RNF152: variants seen among roughly 807,000 people sequenced by gnomAD.
RNF152 encodes E3 ubiquitin-protein ligase RNF152.
In RNF152, 11 loss-of-function variants were observed where a neutral mutation model predicts 12.7. The observed-to-expected ratio is 0.86, with a 90% CI of 0.54 to 1.43. RNF152 has a LOEUF of 1.43. RNF152 is among the 40% of genes most tolerant of loss of function. RNF152 has a pLI of 0.00. For synonymous variants in RNF152, 113 were observed against 120.3 expected (o/e 0.94, Z 0.40); for missense variants, 255 against 274.8 (o/e 0.93, Z 0.51).
Position 61,816,276 on chromosome 18 carries a change from C to T in RNF152, c.188G>A (p.Gly63Asp), listed in dbSNP as rs899444439. 1 of 1,614,210 alleles carries T rather than the reference C, an allele frequency of 6.2e-7. No homozygotes were observed. The highest frequency in any genetic ancestry group is 8.5e-7 in the Non-Finnish European group (1 of 1,180,040). ...GTCCGGGAGCTGCGACACGGAGAAG[C>T]CGGGAGGCAGCTTGGTGACACCGCG... ...WCRGVTKLPPGFSVSQLPDDP... is the reference protein window; with the variant it reads ...WCRGVTKLPPDFSVSQLPDDP... Residue 63 changes from glycine (G) to aspartate (D), a missense_variant, in exon 2 of 2, where the codon GGC (glycine) becomes GAC (aspartate). Gly to Asp is a moderately conservative substitution (Grantham distance 94). Coordinates refer to ENST00000312828, the MANE Select transcript of RNF152 (RefSeq NM_173557.3).
In RNF152 at chr18:61,808,314, A is replaced by C. The variant is rs966170642; in HGVS notation, c.*7538T>G. 1 of 148,242 alleles carries C rather than the reference A, an allele frequency of 6.7e-6. No individual in the cohort carries two copies. The highest frequency in any genetic ancestry group is 1.5e-5 in the Non-Finnish European group (1 of 67,356). 9.2% of individuals were successfully genotyped at this position (148,242 alleles called of 1,614,324 possible). On this transcript the variant is annotated 3_prime_UTR_variant, in exon 2 of 2. Transcript: ENST00000312828. ...GCTTGATATCCCCTTTACGAAGTCA[A>C]TATTTGGCAACATTTGGACAATATT... is the stretch of plus-strand genomic sequence containing the variant.
intron 1 of RNF152, among the ~76,000 whole-genome samples, chr18:61,825,861 AT>A (rs910125700): frequency 4.4e-4 from 66 of 150,614 alleles, no homozygotes; most frequent in East Asian, 3.7e-3. Context: ...CCTACTCCTA[AT>A]TTTTTTTTTA....
chr18:61,846,185 T>C (rs1169747862), intron 1 of RNF152, among the ~76,000 whole-genome samples: 1 of 152,188 alleles, frequency 6.6e-6, no homozygotes, highest in Non-Finnish European at 1.5e-5. Context: ...AGGACAAAGA[T>C]ACACACTTCA....
chr18:61,841,876 T>C (rs894018447), intron 1 of RNF152, among the ~76,000 whole-genome samples: 2 of 152,206 alleles, frequency 1.3e-5, no homozygotes, highest in Non-Finnish European at 2.9e-5. Context: ...ATTTTAGGCT[T>C]TGTGTGCCAC....
Position 61,859,084 on chromosome 18 carries a change from G to A in RNF152, c.-136+33711C>T, listed in dbSNP as rs972950874. 1.6e-4 allele frequency among the ~76,000 whole-genome samples: 24 copies of A among 152,262 alleles called. 1 individual carries two copies. Among genetic ancestry groups the A allele is most frequent in the Non-Finnish European group, 2.8e-4 (19 of 68,018 alleles). On this transcript the variant is annotated intron_variant, in intron 1 of 1. Coordinates refer to ENST00000312828, the MANE Select transcript of RNF152 (RefSeq NM_173557.3). ...TCAGCCACGACCCTGTATTATAGAC[G>A]AGGGCTGGTGGCTCCTACAAGTCAT...
At chr18:61,884,959 A>AATGG (rs754037112) in intron 1 of RNF152, among the ~76,000 whole-genome samples, 50 of 152,352 alleles carry the variant, frequency 3.3e-4, no homozygotes, top group Admixed American at 6.5e-4. Context: ...ACCATAGGTG[A>AATGG]ATGGATGGAT....
rs561051015 is a variant in RNF152 at position 61,816,226 on chromosome 18, C to A, written c.238G>T (p.Ala80Ser). The change falls in exon 2 of 2, where the codon GCC becomes TCC. Residue 80 changes from alanine (A) to serine (S), a missense_variant. Transcript: ENST00000312828. ...GTGTGTTCGGAAGTGTGTGGAATGG[C>A]GATGACAGCCAGGACCTCCGGGTCG... ...PDDPEVLAVI[A>S]IPHTSEHTPV... 3 of 1,614,062 alleles carry A rather than the reference C, an allele frequency of 1.9e-6. No homozygotes were observed. The African/African-American group carries it at 4.0e-5, about 22-fold the overall frequency.
chr18:61,887,676 TG>T (rs1383059958), intron 1 of RNF152, among the ~76,000 whole-genome samples: 1 of 135,956 alleles, frequency 7.4e-6, no homozygotes, highest in Non-Finnish European at 1.5e-5. Flanking sequence ...CACTCCAGCC[TG>T]GGTGACAGAG....
intron 1 of RNF152, among the ~76,000 whole-genome samples, chr18:61,856,783 C>T (rs892558582): frequency 3.9e-5 from 6 of 152,200 alleles, no homozygotes; most frequent in South Asian, 4.2e-4. Context: ...TTCAGTTCCC[C>T]GAACAGCTAG....
chr18:61,826,814 T>G (rs1407211640), intron 1 of RNF152, among the ~76,000 whole-genome samples: 1 of 152,192 alleles, frequency 6.6e-6, no homozygotes, highest in Non-Finnish European at 1.5e-5. Context: ...CTTACCTGAG[T>G]TTTCTGTCAA....
chr18:61,889,945 C>T (rs555219109), intron 1 of RNF152, among the ~76,000 whole-genome samples: 81 of 152,166 alleles, frequency 5.3e-4, no homozygotes, highest in Non-Finnish European at 1.0e-3. Flanking sequence ...CTTGAAAATA[C>T]CTAATGGCCT....
chr18:61,837,349 A>G (rs982902142), intron 1 of RNF152, among the ~76,000 whole-genome samples: 5 of 152,260 alleles, frequency 3.3e-5, no homozygotes, highest in Admixed American at 6.5e-5. Flanking sequence ...GCATTTTAAA[A>G]TATGAACTGC....
intron 1 of RNF152, among the ~76,000 whole-genome samples, chr18:61,852,313 T>A (rs1911019994): frequency 6.6e-6 from 1 of 152,220 alleles, no homozygotes. Context: ...ACTGCTTTTT[T>A]AAAAACCTCT....
intron 1 of RNF152, among the ~76,000 whole-genome samples, chr18:61,851,026 G>T (rs948482450): frequency 2.0e-5 from 3 of 151,370 alleles, no homozygotes; most frequent in Non-Finnish European, 4.4e-5. Flanking sequence ...ATACCACCAG[G>T]TGCATCAGCC....
At chr18:61,879,594 C>T (rs1376852835) in intron 1 of RNF152, among the ~76,000 whole-genome samples, 2 of 152,066 alleles carry the variant, frequency 1.3e-5, no homozygotes, top group African/African-American at 4.8e-5. Context: ...AATGGGAATA[C>T]AAAAGGGTAT....
chr18:61,887,007 A>T (rs1599329962), intron 1 of RNF152, among the ~76,000 whole-genome samples: 1 of 152,222 alleles, frequency 6.6e-6, no homozygotes, highest in Non-Finnish European at 1.5e-5. Context: ...CAGAGGAAGG[A>T]AGAGGACATT....
intron 1 of RNF152, among the ~76,000 whole-genome samples, chr18:61,845,734 G>A (rs866843020): frequency 2.5e-4 from 38 of 152,212 alleles, no homozygotes; most frequent in African/African-American, 7.5e-4. Context: ...GAGGCAGCCC[G>A]AATAATAGTA....
At chr18:61,874,538 T>C (rs1269426418) in intron 1 of RNF152, among the ~76,000 whole-genome samples, 1 of 152,196 alleles carries the variant, frequency 6.6e-6, no homozygotes, top group Non-Finnish European at 1.5e-5. Context: ...GTAAGAGACA[T>C]AACAGTTCTC....
intron 1 of RNF152, among the ~76,000 whole-genome samples, chr18:61,858,991 T>C (rs1279033861): frequency 2.0e-5 from 3 of 151,518 alleles, no homozygotes; most frequent in Non-Finnish European, 4.4e-5. Context: ...CGCCGGGTGA[T>C]GTCAATATCC....
Sources: allele counts gnomAD v4.1 joint callset (sites outside exome capture counted in the v4.1 genomes callset), GRCh38; gene constraint gnomAD v4.1.1; transcripts MANE v1.5; gene names NCBI Gene and HGNC (gene_info 2026-07-23, HGNC 2026-07-21).